Variants in SVEP1 observed in about 807,000 individuals in gnomAD.
The protein encoded by SVEP1 is sushi, von Willebrand factor type A, EGF and pentraxin domain containing 1.
SVEP1 carries 164 observed loss-of-function variants against 367.3 expected under a neutral mutation model. The observed-to-expected ratio is 0.45, with a 90% CI of 0.39 to 0.51. The LOEUF (loss-of-function observed/expected upper bound fraction) is 0.51. Among genes scored for constraint, SVEP1 ranks in the 20% least tolerant of loss-of-function variants. SVEP1 has a pLI of 0.00. For missense variants in SVEP1, 4,117 were observed against 4,425.3 expected (o/e 0.93, Z 1.98); for synonymous variants, 1,666 against 1,611.6 (o/e 1.03, Z -0.81).
intron 5 of SVEP1, among the ~76,000 whole-genome samples, chr9:110,510,717 C>A (rs955359219): frequency 5.9e-5 from 9 of 152,218 alleles, no homozygotes; most frequent in African/African-American, 2.2e-4. Context: ...TTTCTCACTC[C>A]TCTTTGGAAG....
intron 3 of SVEP1, among the ~76,000 whole-genome samples, chr9:110,544,459 C>G (rs1436126644): frequency 6.6e-6 from 1 of 152,106 alleles, no homozygotes; most frequent in Non-Finnish European, 1.5e-5. Flanking sequence ...TACAGAAAAA[C>G]TATGTACTAC....
Position 110,471,377 on chromosome 9 carries a change from T to A in SVEP1, c.2985A>T (p.Arg995Ser), listed in dbSNP as rs1265608624. Reference protein sequence around the residue: ...SPFCRPGSVLRGRMCVNCPLG... With the variant: ...SPFCRPGSVLSGRMCVNCPLG... Reference sequence around the variant, plus strand: ...GAACAGTCTTACCACACATACGCCCTCTCAGCACTGAGCCTGGTCTGCAGA... The same window carrying A: ...GAACAGTCTTACCACACATACGCCCACTCAGCACTGAGCCTGGTCTGCAGA... Residue 995 changes from arginine to serine, a missense_variant, in exon 16 of 48, where the codon AGA becomes AGT. Physicochemically the swap from Arg to Ser is moderately radical, Grantham distance 110 (BLOSUM62 -1). This residue lies in a region of SVEP1 where 2,174 missense variants were observed against 2,494.3 expected (regional missense o/e 0.87). Coordinates refer to ENST00000374469, the MANE Select transcript of SVEP1 (RefSeq NM_153366.4). The A allele has an allele frequency of 1.2e-6, 2 of 1,613,790 alleles. No individual in the cohort carries two copies. The highest frequency in any genetic ancestry group is 2.2e-5 in the East Asian group (1 of 44,892).
intron 1 of SVEP1, among the ~76,000 whole-genome samples, chr9:110,557,455 G>A (rs1204591407): frequency 1.3e-5 from 2 of 151,498 alleles, no homozygotes; most frequent in Non-Finnish European, 2.9e-5. Flanking sequence ...TTCATGTTAA[G>A]CACATGTAAC....
intron 1 of SVEP1, among the ~76,000 whole-genome samples, chr9:110,565,799 T>G: frequency 6.6e-6 from 1 of 151,838 alleles, no homozygotes. Context: ...GCCTCCTGAC[T>G]TTGCAATGAA....
At chr9:110,435,735 G>A (rs932876236) in intron 28 of SVEP1, among the ~76,000 whole-genome samples, 2 of 152,288 alleles carry the variant, frequency 1.3e-5, no homozygotes, top group African/African-American at 4.8e-5. Flanking sequence ...ATTCTTAGAG[G>A]CTCAGCCTCT....
intron 1 of SVEP1, among the ~76,000 whole-genome samples, chr9:110,560,782 G>A (rs1281235459): frequency 3.3e-5 from 5 of 152,086 alleles, no homozygotes; most frequent in Non-Finnish European, 7.3e-5. Flanking sequence ...ATCCAGATGC[G>A]TACATTTCCA....
At chr9:110,449,997 G>A (rs1271543659) in intron 24 of SVEP1, 62 bp downstream of exon 24, 6 of 1,564,858 alleles carry the variant, frequency 3.8e-6, no homozygotes, top group African/African-American at 1.4e-5. Context: ...CATAAAGGCT[G>A]CAGAATCACT....
chr9:110,451,187 T>C, intron 23 of SVEP1, 102 bp downstream of exon 23: 3 of 941,482 alleles, frequency 3.2e-6, no homozygotes, highest in Non-Finnish European at 4.8e-6. Context: ...CATACAGTAA[T>C]AAAATCCAAA....
intron 43 of SVEP1, 97 bp downstream of exon 43, chr9:110,385,801 G>A: frequency 1.6e-6 from 2 of 1,276,966 alleles, no homozygotes; most frequent in East Asian, 2.5e-5. Context: ...AGAGATCTAA[G>A]TATCTACAAC....
chr9:110,578,935 G>A (rs886389449), intron 1 of SVEP1, 78 bp downstream of exon 1: 35 of 1,487,672 alleles, frequency 2.4e-5, no homozygotes, highest in Admixed American at 1.7e-4. Context: ...ACTGAACCCC[G>A]GGATAGAGAC....
In SVEP1 at chr9:110,399,323, C is replaced by T. The variant is rs1488308875; in HGVS notation, c.9822+1531G>A. ...GAACACATGGACACAGGAAGGGGAA[C>T]ATCACACACTGGGTCCTGTTGTGGG... is the stretch of plus-strand genomic sequence containing the variant. On this transcript the variant is annotated intron_variant, in intron 40 of 47. Coordinates refer to ENST00000374469, the MANE Select transcript of SVEP1 (RefSeq NM_153366.4). Among the ~76,000 whole-genome samples the T allele has an allele frequency of 4.0e-5, 6 of 149,902 alleles. No homozygotes were observed. In the East Asian group the frequency reaches 1.2e-3, roughly 29 times the overall value.
rs564070346 is a variant in SVEP1 at position 110,501,011 on chromosome 9, T to C, written c.1484-1773A>G. 6.6e-5 allele frequency among the ~76,000 whole-genome samples: 10 copies of C among 150,906 alleles called. No homozygotes were observed. In the South Asian group the frequency reaches 1.9e-3, roughly 28 times the overall value. The stretch of plus-strand genomic sequence containing the variant: ...TTCAGTGTAGTACATATATATGTAA[T>C]GCATATATATGTAATGTGTTAAGTT... On this transcript the variant is annotated intron_variant, in intron 6 of 47. Transcript: ENST00000374469.
At chr9:110,536,555 A>T (rs1026927167) in intron 3 of SVEP1, among the ~76,000 whole-genome samples, 3 of 151,938 alleles carry the variant, frequency 2.0e-5, no homozygotes, top group African/African-American at 7.2e-5. Flanking sequence ...TTCATTTTTC[A>T]AAAGAAATGT....
At chr9:110,477,894 G>A (rs1293237642) in intron 13 of SVEP1, among the ~76,000 whole-genome samples, 1 of 152,140 alleles carries the variant, frequency 6.6e-6, no homozygotes, top group Non-Finnish European at 1.5e-5. Flanking sequence ...AAAGTCATCA[G>A]TAAGTTGTTC....
At chr9:110,546,343 T>G in intron 2 of SVEP1, 52 bp from the exon 3 acceptor site, 1 of 1,523,278 alleles carries the variant, frequency 6.6e-7, no homozygotes, top group Non-Finnish European at 8.9e-7. Context: ...AGTTCAATGT[T>G]ACATTCTCTG....
intron 41 of SVEP1, 92 bp from the exon 42 acceptor site, chr9:110,387,550 T>TATAAAATATTA: frequency 7.6e-7 from 1 of 1,314,350 alleles, no homozygotes. Context: ...TCATGGAATA[T>TATAAAATATTA]ATAAAATATT....
At chr9:110,566,138 C>T (rs1830489525) in intron 1 of SVEP1, among the ~76,000 whole-genome samples, 1 of 151,728 alleles carries the variant, frequency 6.6e-6, no homozygotes, top group South Asian at 2.1e-4. Context: ...GGCAACATGG[C>T]AAAACCACAT....
intron 7 of SVEP1, among the ~76,000 whole-genome samples, chr9:110,498,453 C>T (rs1338923685): frequency 6.6e-6 from 1 of 152,158 alleles, no homozygotes; most frequent in Non-Finnish European, 1.5e-5. Flanking sequence ...AATTCAAGCA[C>T]TTTCTTTGTT....
intron 29 of SVEP1, 100 bp from the exon 30 acceptor site, chr9:110,434,606 C>T: frequency 2.0e-6 from 2 of 990,086 alleles, no homozygotes; most frequent in Non-Finnish European, 2.7e-6. Context: ...CATTTGAGAG[C>T]CACCTTACTG....
Sources: gnomAD v4.1 joint callset for allele counts (sites outside exome capture counted in the v4.1 genomes callset) on GRCh38, gnomAD v4.1.1 for gene constraint, gnomAD v4.1.1 regional missense constraint, MANE v1.5 for transcripts, NCBI Gene and HGNC (gene_info 2026-07-23, HGNC 2026-07-21) for gene names.